EYS: variants seen among roughly 807,000 people sequenced by gnomAD.
EYS encodes the protein EGF-like photoreceptor maintenance factor.
In EYS, 250 loss-of-function variants were observed where a neutral mutation model predicts 282.1. The observed-to-expected ratio is 0.89, with a 90% CI of 0.80 to 0.98. The LOEUF is 0.98. EYS is among the 50% of genes least tolerant of loss of function. EYS has a pLI of 0.00. For missense variants in EYS, 4,016 were observed against 3,709.0 expected, an observed-to-expected ratio of 1.08 and a Z score of -2.15; for synonymous variants, 1,355 against 1,282.9, an observed-to-expected ratio of 1.06 and a Z score of -1.20.
intron 29 of EYS, among the ~76,000 whole-genome samples, chr6:64,386,953 C>T (rs1387484273): frequency 6.6e-6 from 1 of 151,960 alleles, no homozygotes; most frequent in Admixed American, 6.6e-5. Flanking sequence ...AATGGCTCCC[C>T]CATTTAAGAA....
chr6:65,404,543 T>C (rs1766643511), intron 6 of EYS, among the ~76,000 whole-genome samples: 1 of 152,012 alleles, frequency 6.6e-6, no homozygotes, highest in East Asian at 1.9e-4. Flanking sequence ...GTCTAGTATA[T>C]GGTACATTGG....
intron 2 of EYS, among the ~76,000 whole-genome samples, chr6:65,529,254 T>C (rs1767677452): frequency 1.3e-5 from 2 of 152,214 alleles, no homozygotes; most frequent in Non-Finnish European, 2.9e-5. Context: ...AACCTTATGA[T>C]GTTCTGGCTT....
At chr6:64,017,656 C>G (rs975652270) in intron 33 of EYS, among the ~76,000 whole-genome samples, 1 of 152,140 alleles carries the variant, frequency 6.6e-6, no homozygotes, top group Non-Finnish European at 1.5e-5. Flanking sequence ...TTAGACAAAC[C>G]ATTTTTCTTT....
Position 63,726,554 on chromosome 6 carries a change from A to T in EYS, c.8198T>A (p.Leu2733Gln). ...QFQPLAADGILFYAAQHLKAQ... is the reference protein window; with the variant it reads ...QFQPLAADGIQFYAAQHLKAQ... ...TTTTAAGTGTTGTGCAGCATAAAAT[A>T]GGATACCATCTGCAGCGAGAGGCTG... is the stretch of plus-strand genomic sequence containing the variant. Residue 2733 changes from leucine (L) to glutamine (Q), a missense_variant, in exon 42 of 43, where the codon CTA (leucine) becomes CAA (glutamine). By Grantham distance (113) the Leu-to-Gln change is moderately radical. Transcript: ENST00000503581. The T allele has an allele frequency of 6.4e-7, 1 of 1,551,338 alleles. No homozygotes were observed.
At chr6:64,762,068 A>T (rs940309165) in intron 22 of EYS, among the ~76,000 whole-genome samples, 1 of 152,240 alleles carries the variant, frequency 6.6e-6, no homozygotes, top group South Asian at 2.1e-4. Flanking sequence ...TGTTCTTACC[A>T]CAAAGAAATG....
At chr6:65,170,990 G>A (rs935942836) in intron 12 of EYS, among the ~76,000 whole-genome samples, 8 of 151,366 alleles carry the variant, frequency 5.3e-5, no homozygotes, top group South Asian at 4.2e-4. Context: ...TTATGAAACC[G>A]TCAACTACTT....
chr6:64,431,354 C>T (rs1407535008), intron 28 of EYS, among the ~76,000 whole-genome samples: 2 of 152,060 alleles, frequency 1.3e-5, no homozygotes, highest in African/African-American at 4.8e-5. Context: ...AATGTGATTA[C>T]CTCTGTAATG....
At chr6:65,453,462 A>C (rs1303121996) in intron 5 of EYS, among the ~76,000 whole-genome samples, 1 of 152,058 alleles carries the variant, frequency 6.6e-6, no homozygotes, top group Non-Finnish European at 1.5e-5. Flanking sequence ...TCTATGCTGC[A>C]TAATGACCCA....
chr6:63,730,222 C>T (rs1768747751), intron 41 of EYS, among the ~76,000 whole-genome samples: 1 of 152,190 alleles, frequency 6.6e-6, no homozygotes, highest in Non-Finnish European at 1.5e-5. Flanking sequence ...ATTACCACTG[C>T]CACCATCCAA....
chr6:64,054,030 C>T (rs3013159), intron 33 of EYS, among the ~76,000 whole-genome samples: 2,695 of 152,176 alleles, frequency 0.018, 66 homozygotes, highest in African/African-American at 0.052. Flanking sequence ...CATTTCAACC[C>T]TTATATACTT....
intron 5 of EYS, among the ~76,000 whole-genome samples, chr6:65,438,046 C>T (rs554855593): frequency 1.6e-4 from 23 of 145,052 alleles, no homozygotes; most frequent in Non-Finnish European, 2.5e-4. Context: ...GTGATGTTCC[C>T]TGCCCTGTGT....
chr6:63,999,553 T>A (rs531079960), intron 33 of EYS, among the ~76,000 whole-genome samples: 2 of 152,276 alleles, frequency 1.3e-5, no homozygotes, highest in African/African-American at 4.8e-5. Flanking sequence ...ACCAGTAACA[T>A]CAATGTTAAA....
chr6:65,425,312 G>A (rs997198573), intron 5 of EYS, among the ~76,000 whole-genome samples: 9 of 151,964 alleles, frequency 5.9e-5, no homozygotes, highest in Non-Finnish European at 1.0e-4. Context: ...TATAGTAAAC[G>A]TGCAAAACAA....
intron 31 of EYS, among the ~76,000 whole-genome samples, chr6:64,082,459 C>T (rs1031716857): frequency 6.2e-4 from 95 of 152,176 alleles, no homozygotes; most frequent in African/African-American, 2.3e-3. Flanking sequence ...ATCATAATCA[C>T]ATCAGGGTCA....
intron 40 of EYS, 92 bp downstream of exon 40, chr6:63,777,914 G>T (rs1770105471): frequency 8.5e-7 from 1 of 1,181,596 alleles, no homozygotes; most frequent in Non-Finnish European, 1.2e-6. Context: ...ATCTGTTTGT[G>T]TTCCTAGTTT....
intron 22 of EYS, among the ~76,000 whole-genome samples, chr6:64,799,228 T>C (rs1774458269): frequency 6.6e-6 from 1 of 151,926 alleles, no homozygotes; most frequent in Non-Finnish European, 1.5e-5. Context: ...TGGTTCCTTG[T>C]AATCCATCAA....
intron 30 of EYS, among the ~76,000 whole-genome samples, chr6:64,297,977 C>CAAAAAAAAAAAAAAAAAAAAAAAAA (rs34562408): frequency 5.2e-5 from 5 of 96,454 alleles, no homozygotes; most frequent in African/African-American, 1.9e-4. Context: ...GATTCTGTCT[C>CAAAAAAAAAAAAAAAAAAAAAAAAA]AAAAAAAAAA....
At chr6:65,005,918 G>T (rs1451320619) in intron 13 of EYS, among the ~76,000 whole-genome samples, 1 of 152,182 alleles carries the variant, frequency 6.6e-6, no homozygotes, top group Admixed American at 6.5e-5. Context: ...TTTTGAAAGT[G>T]TAGCCCCAAA....
intron 22 of EYS, among the ~76,000 whole-genome samples, chr6:64,760,825 G>T (rs1454889113): frequency 6.6e-6 from 1 of 152,128 alleles, no homozygotes; most frequent in African/African-American, 2.4e-5. Flanking sequence ...CAAAGTCAGA[G>T]GCTGACTCAG....
Sources: gnomAD v4.1 joint callset for allele counts (sites outside exome capture counted in the v4.1 genomes callset) on GRCh38, gnomAD v4.1.1 for gene constraint, MANE v1.5 for transcripts, NCBI Gene and HGNC (gene_info 2026-07-23, HGNC 2026-07-21) for gene names.